Variants in CD96 observed in about 807,000 individuals in gnomAD.
The protein encoded by CD96 is T-cell surface protein tactile.
In CD96, 70 loss-of-function variants were observed where a neutral mutation model predicts 71.3. That is an observed-to-expected ratio of 0.98 (90% CI 0.81 to 1.20). The LOEUF is 1.20. Ranked by LOEUF, CD96 falls within the 50% of genes most tolerant of loss-of-function variation. The pLI is 0.00. For missense variants in CD96, 742 were observed against 677.5 expected (o/e 1.10, Z -1.06); for synonymous variants, 248 against 233.0 (o/e 1.06, Z -0.59).
intron 14 of CD96, among the ~76,000 whole-genome samples, chr3:111,662,898 T>C (rs1456956634): frequency 5.3e-5 from 8 of 152,232 alleles, no homozygotes; most frequent in Non-Finnish European, 1.5e-5. Flanking sequence ...TGTGTCCACA[T>C]TTTCAGGTAT....
intron 10 of CD96, 151 bp downstream of exon 10, chr3:111,624,555 G>T: frequency 1.5e-6 from 1 of 658,020 alleles, no homozygotes. Context: ...TGTAGATTCT[G>T]AGACTACACC....
At position 111,649,726 on chromosome 3, in the gene CD96, C is replaced by A. The variant is rs771252200; in HGVS notation, c.1630C>A (p.Pro544Thr). Residue 544 changes from proline (P) to threonine (T), a missense_variant, in exon 14 of 14, where the codon CCA becomes ACA. Coordinates refer to ENST00000352690, the MANE Select transcript of CD96 (RefSeq NM_005816.5). ...GGAAAGACCTCCACCTTTCAAGCCA[C>A]CACCACCTCCCATCAAGTACACTTG... ...IMERPPPFKP[P>T]PPPIKYTCIQ... The A allele has an allele frequency of 6.2e-7, 1 of 1,613,784 alleles. No individual in the cohort carries two copies. The highest frequency in any genetic ancestry group is 1.3e-5 in the African/African-American group (1 of 74,938).
At chr3:111,580,763 C>T (rs528282855) in intron 4 of CD96, among the ~76,000 whole-genome samples, 3 of 152,092 alleles carry the variant, frequency 2.0e-5, no homozygotes, top group Non-Finnish European at 2.9e-5. Context: ...AGGTTCCTTA[C>T]GGAGCCTAAA....
intron 14 of CD96, among the ~76,000 whole-genome samples, chr3:111,664,278 G>T (rs1351231233): frequency 6.6e-6 from 1 of 151,952 alleles, no homozygotes; most frequent in Non-Finnish European, 1.5e-5. Flanking sequence ...ATCATTTGTG[G>T]ACTGGAAAAA....
chr3:111,582,056 G>A (rs1936490659), intron 4 of CD96, among the ~76,000 whole-genome samples: 1 of 152,020 alleles, frequency 6.6e-6, no homozygotes, highest in Non-Finnish European at 1.5e-5. Context: ...AGAAAGCTGG[G>A]GTATTCATCT....
chr3:111,610,679 G>A (rs537174325), intron 8 of CD96, among the ~76,000 whole-genome samples: 10 of 152,256 alleles, frequency 6.6e-5, no homozygotes, highest in South Asian at 2.1e-4. Flanking sequence ...CATTCTCAGC[G>A]CAGTTCAAGG....
chr3:111,637,904 C>T (rs1032757550), intron 11 of CD96, among the ~76,000 whole-genome samples, 175 bp from the exon 12 acceptor site: 4 of 151,660 alleles, frequency 2.6e-5, no homozygotes, highest in East Asian at 3.9e-4. Context: ...AGACAAATCT[C>T]AGGATCCCAG....
chr3:111,659,532 C>A (rs1275384077), intron 14 of CD96, among the ~76,000 whole-genome samples: 1 of 152,122 alleles, frequency 6.6e-6, no homozygotes, highest in Non-Finnish European at 1.5e-5. Context: ...GGCTGCATCC[C>A]AGAGATTTTG....
chr3:111,579,962 C>G (rs1245792224), intron 4 of CD96, among the ~76,000 whole-genome samples: 1 of 152,216 alleles, frequency 6.6e-6, no homozygotes, highest in Non-Finnish European at 1.5e-5. Flanking sequence ...TACTGGAAAT[C>G]TCTTTAATTG....
At chr3:111,625,956 A>G (rs1235529732) in intron 10 of CD96, among the ~76,000 whole-genome samples, 1 of 152,210 alleles carries the variant, frequency 6.6e-6, no homozygotes, top group Non-Finnish European at 1.5e-5. Flanking sequence ...GACAAAATAA[A>G]CAAAAGTCAC....
chr3:111,542,983 G>A (rs12494356), intron 1 of CD96, among the ~76,000 whole-genome samples: 12,548 of 152,190 alleles, frequency 0.082, 853 homozygotes, highest in East Asian at 0.31. Context: ...ACATAGCTAT[G>A]AAAATATTAA....
Position 111,565,999 on chromosome 3 carries a change from A to G in CD96, c.419-1524A>G, listed in dbSNP as rs114543408. 3.0e-3 allele frequency among the ~76,000 whole-genome samples: 451 copies of G among 149,716 alleles called. 3 individuals carry two copies. The highest frequency in any genetic ancestry group is 0.011 in the Middle Eastern group (3 of 280). On this transcript the variant is annotated intron_variant, in intron 2 of 13. Transcript: ENST00000352690. Reference sequence around the variant, plus strand: ...ACAGAAATATGCCATTAAAATGTATACTGTTATATAGCATATATTTATATA... The same window carrying G: ...ACAGAAATATGCCATTAAAATGTATGCTGTTATATAGCATATATTTATATA...
intron 3 of CD96, chr3:111,570,968 C>T: frequency 6.5e-7 from 1 of 1,540,892 alleles, no homozygotes; most frequent in Non-Finnish European, 9.0e-7. Flanking sequence ...GCTCTGAGGC[C>T]ACCAGAGTGA....
intron 2 of CD96, among the ~76,000 whole-genome samples, chr3:111,556,818 C>G (rs1466419615): frequency 6.6e-6 from 1 of 151,840 alleles, no homozygotes; most frequent in African/African-American, 2.4e-5. Flanking sequence ...TACAGTCCCA[C>G]CAACAGTGTA....
rs757102114 is a variant in CD96, at chr3:111,600,742, T to C, written c.915T>C (p.Asn305=). 2 of 1,611,812 alleles carry C rather than the reference T, an allele frequency of 1.2e-6. No individual in the cohort carries two copies. Among genetic ancestry groups the C allele is most frequent in the East Asian group, 4.5e-5 (2 of 44,852 alleles). The change falls in exon 7 of 14, where the codon AAT becomes AAC. Residue 305 remains asparagine, a synonymous_variant. Coordinates refer to ENST00000352690, the MANE Select transcript of CD96 (RefSeq NM_005816.5). ...GTCTGGCAGGAATATATATTACTAA[T>C]GAAGAGAGAAAAGGCAAAGATGGAT... ...HDEKEGIYIT[N]EERKGKDGFL... is the part of the protein sequence containing the mutation.
At chr3:111,590,128 A>G (rs1347749029) in intron 5 of CD96, among the ~76,000 whole-genome samples, 1 of 152,182 alleles carries the variant, frequency 6.6e-6, no homozygotes, top group African/African-American at 2.4e-5. Flanking sequence ...TTTAACCCAG[A>G]ATACAGACTG....
chr3:111,582,702 G>T (rs1576347026), intron 4 of CD96, among the ~76,000 whole-genome samples: 1 of 152,282 alleles, frequency 6.6e-6, no homozygotes, highest in East Asian at 1.9e-4. Flanking sequence ...CTTCTTACAT[G>T]GCAGCAGCAA....
At chr3:111,546,191 A>T (rs113365339) in intron 2 of CD96, among the ~76,000 whole-genome samples, 2,785 of 152,316 alleles carry the variant, frequency 0.018, 42 homozygotes, top group Middle Eastern at 0.048. Context: ...GAGAGAATAT[A>T]AGACAAGGGC....
chr3:111,593,694 G>C, intron 5 of CD96: 1 of 1,613,332 alleles, frequency 6.2e-7, no homozygotes, highest in Non-Finnish European at 8.5e-7. Context: ...GCCCTCTCCC[G>C]CCATTCCACT....
Sources: allele counts gnomAD v4.1 joint callset (sites outside exome capture counted in the v4.1 genomes callset), GRCh38; gene constraint gnomAD v4.1.1; transcripts MANE v1.5; gene names NCBI Gene and HGNC (gene_info 2026-07-23, HGNC 2026-07-21).